The following NOS1AP variants were observed in gnomAD, a reference collection of about 807,000 sequenced individuals.
NOS1AP encodes carboxyl-terminal PDZ ligand of neuronal nitric oxide synthase protein.
A neutral mutation model predicts 56.2 loss-of-function variants in NOS1AP; 21 were observed. The observed-to-expected ratio is 0.37, with a 90% CI of 0.26 to 0.54. NOS1AP has a LOEUF of 0.54. Ranked by LOEUF, NOS1AP falls within the 20% of genes least tolerant of loss-of-function variation. The pLI, the probability that NOS1AP is intolerant of heterozygous loss-of-function variation, is 0.84. For missense variants in NOS1AP, 522 were observed against 657.8 expected, an observed-to-expected ratio of 0.79 and a Z score of 2.26; for synonymous variants, 270 against 274.6, an observed-to-expected ratio of 0.98 and a Z score of 0.17.
chr1:162,126,301 C>T (rs1648485383), intron 1 of NOS1AP, among the ~76,000 whole-genome samples: 1 of 152,124 alleles, frequency 6.6e-6, no homozygotes, highest in Non-Finnish European at 1.5e-5. Context: ...CTGGCTGGGA[C>T]TTCAGGCCTC....
intron 1 of NOS1AP, among the ~76,000 whole-genome samples, chr1:162,085,483 C>CT (rs1486436146): frequency 6.6e-6 from 1 of 152,052 alleles, no homozygotes; most frequent in African/African-American, 2.4e-5. Context: ...TGGGGTCCTC[C>CT]CCAAGTGGTG....
At chr1:162,357,252 A>G in intron 8 of NOS1AP, 116 bp downstream of exon 8, 1 of 1,493,288 alleles carries the variant, frequency 6.7e-7, no homozygotes, top group Non-Finnish European at 9.0e-7. Context: ...GGAATCGCTC[A>G]TGCTATTGGA....
intron 4 of NOS1AP, among the ~76,000 whole-genome samples, chr1:162,307,695 C>A (rs1011087053): frequency 2.6e-5 from 4 of 152,034 alleles, no homozygotes; most frequent in Non-Finnish European, 4.4e-5. Context: ...CCTGTAGTCC[C>A]AGCTACTTGG....
chr1:162,331,211 T>C (rs1288427035), intron 4 of NOS1AP, among the ~76,000 whole-genome samples: 1 of 152,190 alleles, frequency 6.6e-6, no homozygotes, highest in Admixed American at 6.5e-5. Context: ...ACAGCCTCTA[T>C]TTCAGAACCA....
chr1:162,310,262 T>A (rs1372844611), intron 4 of NOS1AP, among the ~76,000 whole-genome samples: 1 of 152,182 alleles, frequency 6.6e-6, no homozygotes, highest in Admixed American at 6.5e-5. Context: ...TATATACATG[T>A]CTCTTTTGCT....
At chr1:162,171,695 C>T (rs1292548251) in intron 2 of NOS1AP, among the ~76,000 whole-genome samples, 1 of 152,132 alleles carries the variant, frequency 6.6e-6, no homozygotes, top group Non-Finnish European at 1.5e-5. Flanking sequence ...TCAGGCTCTC[C>T]AGCCTCTCTT....
At chr1:162,311,645 A>G (rs556767735) in intron 4 of NOS1AP, among the ~76,000 whole-genome samples, 2 of 150,284 alleles carry the variant, frequency 1.3e-5, no homozygotes, top group East Asian at 2.0e-4. Context: ...GGTTAGTTAC[A>G]TATGTATACA....
chr1:162,114,694 GGACATAATAA>G (rs1647865062), intron 1 of NOS1AP, among the ~76,000 whole-genome samples: 1 of 152,138 alleles, frequency 6.6e-6, no homozygotes, highest in African/African-American at 2.4e-5. Flanking sequence ...TTCCTTGCTA[GGACATAATAA>G]GGGCTAAAGT....
At chr1:162,086,713 C>T (rs1692011635) in intron 1 of NOS1AP, among the ~76,000 whole-genome samples, 1 of 152,178 alleles carries the variant, frequency 6.6e-6, no homozygotes, top group African/African-American at 2.4e-5. Flanking sequence ...GAACTGTCAT[C>T]TGAGTCATGT....
chr1:162,071,816 T>C (rs1691664309), intron 1 of NOS1AP, among the ~76,000 whole-genome samples: 1 of 152,196 alleles, frequency 6.6e-6, no homozygotes, highest in Non-Finnish European at 1.5e-5. Context: ...TGGACATACA[T>C]AAACTGGGAA....
intron 1 of NOS1AP, among the ~76,000 whole-genome samples, chr1:162,076,992 GA>G (rs1691783577): frequency 6.6e-6 from 1 of 152,146 alleles, no homozygotes; most frequent in South Asian, 2.1e-4. Flanking sequence ...TTCATCAGCT[GA>G]GGCACATTTA....
rs1465633851 is a variant in NOS1AP at position 162,311,324 on chromosome 1, A to G, written c.344+10618A>G. 2.0e-5 allele frequency among the ~76,000 whole-genome samples: 3 copies of G among 152,074 alleles called. No homozygotes were observed. The East Asian group carries it at 5.8e-4, about 29-fold the overall frequency. On this transcript the variant is annotated intron_variant, in intron 4 of 9. Coordinates refer to ENST00000361897, the MANE Select transcript of NOS1AP (RefSeq NM_014697.3). Reference sequence around the variant, plus strand: ...CTCTTTTGTTTGCTTTCAACCCTACATAGTTATATGTATTCTTTATCTTTC... The same window carrying G: ...CTCTTTTGTTTGCTTTCAACCCTACGTAGTTATATGTATTCTTTATCTTTC...
chr1:162,154,819 A>G (rs1337478259), intron 2 of NOS1AP, among the ~76,000 whole-genome samples: 1 of 152,040 alleles, frequency 6.6e-6, no homozygotes, highest in African/African-American at 2.4e-5. Flanking sequence ...TTTAGTAATG[A>G]TCTGGTAATT....
At chr1:162,288,478 T>C (rs1157759180) in intron 3 of NOS1AP, among the ~76,000 whole-genome samples, 1 of 152,146 alleles carries the variant, frequency 6.6e-6, no homozygotes, top group Non-Finnish European at 1.5e-5. Context: ...TGAAGAACCA[T>C]ATAGCTGAGA....
chr1:162,140,317 T>C, intron 1 of NOS1AP, among the ~76,000 whole-genome samples: 1 of 151,952 alleles, frequency 6.6e-6, no homozygotes, highest in East Asian at 1.9e-4. Flanking sequence ...TATATATTAT[T>C]AGAATCAAGG....
intron 2 of NOS1AP, among the ~76,000 whole-genome samples, chr1:162,167,682 G>T (rs555272175): frequency 3.3e-5 from 5 of 152,220 alleles, no homozygotes; most frequent in African/African-American, 9.6e-5. Context: ...GGTCTCTCCC[G>T]AGCCGCTAAG....
intron 2 of NOS1AP, among the ~76,000 whole-genome samples, chr1:162,273,205 C>G (rs916035874): frequency 5.4e-5 from 8 of 147,756 alleles, no homozygotes; most frequent in Admixed American, 4.8e-4. Flanking sequence ...GCTCTGTAGC[C>G]CCGACTGGAG....
chr1:162,259,661 CCA>C (rs1174569840), intron 2 of NOS1AP, among the ~76,000 whole-genome samples: 1 of 152,078 alleles, frequency 6.6e-6, no homozygotes, highest in Non-Finnish European at 1.5e-5. Context: ...GTGTGTAAAT[CCA>C]CACAGTTACA....
intron 2 of NOS1AP, among the ~76,000 whole-genome samples, chr1:162,179,104 T>G (rs1287576514): frequency 1.3e-5 from 2 of 152,304 alleles, no homozygotes; most frequent in East Asian, 3.9e-4. Context: ...CATCTCTCCT[T>G]TCTTTGCATG....
Sources: gnomAD v4.1 joint callset for allele counts (sites outside exome capture counted in the v4.1 genomes callset) on GRCh38, gnomAD v4.1.1 for gene constraint, MANE v1.5 for transcripts, NCBI Gene and HGNC (gene_info 2026-07-23, HGNC 2026-07-21) for gene names.